The following CEP164 variants were observed in gnomAD, a reference collection of about 807,000 sequenced individuals.
CEP164 encodes centrosomal protein of 164 kDa.
In CEP164, 162 loss-of-function variants were observed where a neutral mutation model predicts 182.7. That is an observed-to-expected ratio of 0.89 (90% CI 0.78 to 1.01). The LOEUF is 1.01. Among genes scored for constraint, CEP164 ranks in the 50% least tolerant of loss-of-function variants. CEP164 has a pLI of 0.00. For missense variants in CEP164, 1,735 were observed against 1,790.4 expected, an observed-to-expected ratio of 0.97 and a Z score of 0.56; for synonymous variants, 661 against 690.0, an observed-to-expected ratio of 0.96 and a Z score of 0.66.
In CEP164 at chr11:117,373,832, G is replaced by A. The variant is rs762768517; in HGVS notation, c.1233+1G>A. Reference sequence around the variant, plus strand: ...TGACCCCAAGTCCTTCCATGGCCTGGTGAGTTTGAGATGAGGGCAGTAGAG... The same window carrying A: ...TGACCCCAAGTCCTTCCATGGCCTGATGAGTTTGAGATGAGGGCAGTAGAG... On this transcript the variant is annotated splice_donor_variant, in intron 10 of 32. Transcript: ENST00000278935. LOFTEE classifies it high-confidence loss of function. 2.9e-5 allele frequency: 46 copies of A among 1,613,650 alleles called. No individual in the cohort carries two copies. Among genetic ancestry groups the A allele is most frequent in the Non-Finnish European group, 3.8e-5 (45 of 1,179,680 alleles).
intron 6 of CEP164, 121 bp from the exon 7 acceptor site, chr11:117,362,283 T>C: frequency 8.9e-7 from 1 of 1,129,914 alleles, no homozygotes; most frequent in Non-Finnish European, 1.3e-6. Context: ...CAGGTCAGCT[T>C]CATGGACATG....
intron 15 of CEP164, among the ~76,000 whole-genome samples, chr11:117,390,412 C>G (rs960494772): frequency 6.6e-6 from 1 of 152,006 alleles, no homozygotes; most frequent in Non-Finnish European, 1.5e-5. Flanking sequence ...CTTTGGGAGG[C>G]TGAGGCTGAA....
intron 8 of CEP164, among the ~76,000 whole-genome samples, chr11:117,369,114 A>C (rs905263726): frequency 1.3e-5 from 2 of 152,212 alleles, no homozygotes; most frequent in Non-Finnish European, 2.9e-5. Context: ...GTTTGGCCAT[A>C]TTTGGATTCC....
intron 8 of CEP164, among the ~76,000 whole-genome samples, chr11:117,367,762 G>A (rs56984853): frequency 0.16 from 24,697 of 152,210 alleles, 2,278 homozygotes; most frequent in East Asian, 0.36. Context: ...ACCCAGGCAT[G>A]AAGCCTAGTA....
At chr11:117,332,586 A>G (rs2036397847) in intron 1 of CEP164, among the ~76,000 whole-genome samples, 1 of 152,200 alleles carries the variant, frequency 6.6e-6, no homozygotes, top group South Asian at 2.1e-4. Flanking sequence ...TCTCAAAAAG[A>G]AAGAAAGAAA....
At chr11:117,355,015 T>C in intron 5 of CEP164, 1 of 1,289,742 alleles carries the variant, frequency 7.8e-7, no homozygotes, top group African/African-American at 1.5e-5. Context: ...GGCTTGCTGA[T>C]CTGGACCTAG....
chr11:117,363,069 A>C (rs972942872), intron 7 of CEP164, among the ~76,000 whole-genome samples: 2 of 152,204 alleles, frequency 1.3e-5, no homozygotes, highest in African/African-American at 2.4e-5. Context: ...TCTGTCGATG[A>C]ATATATATGG....
In CEP164 at chr11:117,390,918, TGC is replaced by T. The variant is rs1473491821; in HGVS notation, c.2066+11_2066+12del. The T allele has an allele frequency of 8.1e-6, 13 of 1,613,678 alleles. No homozygotes were observed. The Admixed American group carries it at 1.7e-4, about 21-fold the overall frequency. On this transcript the variant is annotated intron_variant, in intron 16 of 32. Transcript: ENST00000278935. The stretch of plus-strand genomic sequence containing the variant: ...ATGAGGACCAAATCAGGTAAGTGTG[TGC>T]TTACCTGTGAGCTGCCCAGCCCTGC...
intron 4 of CEP164, among the ~76,000 whole-genome samples, chr11:117,349,028 A>G: frequency 6.8e-6 from 1 of 147,458 alleles, no homozygotes. Context: ...CTATTTATCA[A>G]TTTTTTTTTT....
At chr11:117,357,061 C>T (rs1010226098) in intron 5 of CEP164, among the ~76,000 whole-genome samples, 14 of 152,122 alleles carry the variant, frequency 9.2e-5, no homozygotes, top group South Asian at 2.1e-4. Flanking sequence ...TATTTCTTCT[C>T]GAAATCAGAC....
chr11:117,376,967 G>GA (rs904293649), intron 11 of CEP164, among the ~76,000 whole-genome samples: 7 of 152,048 alleles, frequency 4.6e-5, no homozygotes, highest in African/African-American at 1.7e-4. Context: ...TTGGGAGCTT[G>GA]AAAAAAAGAC....
At chr11:117,336,780 A>G in intron 2 of CEP164, 1 of 605,312 alleles carries the variant, frequency 1.7e-6, no homozygotes, top group Non-Finnish European at 3.0e-6. Context: ...CTTCTGAGGA[A>G]GTGGGGACTG....
At chr11:117,333,270 C>T (rs968736272) in intron 1 of CEP164, among the ~76,000 whole-genome samples, 6 of 152,044 alleles carry the variant, frequency 3.9e-5, no homozygotes, top group African/African-American at 7.2e-5. Flanking sequence ...CTTTAGCCTC[C>T]CAAAGCCCTG....
At position 117,409,257 on chromosome 11, in the gene CEP164, G is replaced by C. The variant is rs140000017; in HGVS notation, c.3748+229G>C. On this transcript the variant is annotated intron_variant, in intron 29 of 32. Coordinates refer to ENST00000278935, the MANE Select transcript of CEP164 (RefSeq NM_014956.5). The surrounding 1 kb of genome is among the most constrained non-coding windows in gnomAD (Gnocchi z 4.4). ...CTCTGAATGCTGCAGAGCACTCTACGGTGTGACCACTGGCCTTGCTGGCCT... is the reference window on the plus strand; with the variant it reads ...CTCTGAATGCTGCAGAGCACTCTACCGTGTGACCACTGGCCTTGCTGGCCT... 3 of 616,780 alleles carry C rather than the reference G, an allele frequency of 4.9e-6. No individual in the cohort carries two copies. The Admixed American group carries it at 8.9e-5, about 18-fold the overall frequency. 38.2% of individuals were successfully genotyped at this position (616,780 alleles called of 1,614,324 possible). A position where few individuals can be genotyped will look rare whatever the true frequency, so the allele number is the denominator to read the frequency against.
At position 117,397,393 on chromosome 11, in the gene CEP164, C is replaced by T. The variant is rs554159082; in HGVS notation, c.3501+80C>T. ...CAGCAAAACAGTCCTTTGGGCTCCC[C>T]CTCAGTTGGTCATTCTCGGGACTCC... On this transcript the variant is annotated intron_variant, in intron 27 of 32. Transcript: ENST00000278935. 5.1e-6 allele frequency: 7 copies of T among 1,365,550 alleles called. No homozygotes were observed. The South Asian group carries it at 5.6e-5, about 11-fold the overall frequency. The allele number at this position is 1,365,550 out of a possible 1,614,324, so 84.6% of individuals were successfully genotyped here. A position where few individuals can be genotyped will look rare whatever the true frequency, so the allele number is the denominator to read the frequency against.
Position 117,394,554 on chromosome 11 carries a change from T to C in CEP164, c.2760+61T>C. 1.3e-6 allele frequency: 2 copies of C among 1,589,114 alleles called. No individual in the cohort carries two copies. The highest frequency in any genetic ancestry group is 1.3e-5 in the African/African-American group (1 of 74,466). On this transcript the variant is annotated intron_variant, in intron 21 of 32. Transcript: ENST00000278935. The surrounding 1 kb of genome is among the most constrained non-coding windows in gnomAD (Gnocchi z 4.0). ...CCCTCCATGCACAGTAGGAAGGTGC[T>C]GGGAGCAGACGCATGGCCCCAGCAG... is the stretch of plus-strand genomic sequence containing the variant.
In CEP164 at chr11:117,394,886, CT is replaced by C. The variant is rs1208764660; in HGVS notation, c.2761-31del. The C allele has an allele frequency of 4.4e-6, 7 of 1,606,768 alleles. No homozygotes were observed. The highest frequency in any genetic ancestry group is 1.7e-5 in the Admixed American group (1 of 60,002). On this transcript the variant is annotated intron_variant, in intron 21 of 32. Coordinates refer to ENST00000278935, the MANE Select transcript of CEP164 (RefSeq NM_014956.5). This position sits in a 1 kb window ranked among gnomAD's most constrained non-coding sequence, Gnocchi z 4.0. ...TGCCCCTCAGCTAATGCCTTACACT[CT>C]TTCTATGCTTATGTGTTTCCCTTTC... is the stretch of plus-strand genomic sequence containing the variant.
rs1186342593 is a variant in CEP164, at chr11:117,392,999, T to G, written c.2494-5T>G. On this transcript the variant is annotated splice_region_variant and splice_polypyrimidine_tract_variant and intron_variant, in intron 19 of 32. Transcript: ENST00000278935. ...CATGCCACATCCCTGCCATCTCCCC[T>G]GCAGCTCAGCAGTCTCCTGCGAGAG... 2 of 1,612,806 alleles carry G rather than the reference T, an allele frequency of 1.2e-6. No homozygotes were observed. Among genetic ancestry groups the G allele is most frequent in the Non-Finnish European group, 1.7e-6 (2 of 1,179,568 alleles).
chr11:117,378,175 A>C (rs960405864), intron 11 of CEP164, among the ~76,000 whole-genome samples: 6 of 152,160 alleles, frequency 3.9e-5, no homozygotes, highest in African/African-American at 9.7e-5. Flanking sequence ...GGCAAACATA[A>C]TACATTTCAT....
Sources: allele counts gnomAD v4.1 joint callset (sites outside exome capture counted in the v4.1 genomes callset), GRCh38; gene constraint gnomAD v4.1.1; non-coding constraint Gnocchi (gnomAD v3.1); transcripts MANE v1.5; gene names NCBI Gene and HGNC (gene_info 2026-07-23, HGNC 2026-07-21).